The following MAP2K6 variants were observed in gnomAD, a reference collection of about 807,000 sequenced individuals.
MAP2K6 encodes the protein dual specificity mitogen-activated protein kinase kinase 6.
Under a neutral mutation model 53.7 loss-of-function variants are expected in MAP2K6, and 16 were observed. The observed-to-expected ratio is 0.30, with a 90% CI of 0.20 to 0.45. The LOEUF (loss-of-function observed/expected upper bound fraction) is 0.45, where lower values mean the gene tolerates loss of function less well. Ranked by LOEUF, MAP2K6 falls within the 20% of genes least tolerant of loss-of-function variation. The pLI is 1.00. For synonymous variants in MAP2K6, 132 were observed against 143.1 expected (o/e 0.92, Z 0.55); for missense variants, 204 against 411.9 (o/e 0.50, Z 4.37).
intron 11 of MAP2K6, among the ~76,000 whole-genome samples, chr17:69,540,167 C>T (rs1190232125): frequency 1.3e-5 from 2 of 152,162 alleles, no homozygotes; most frequent in Non-Finnish European, 2.9e-5. Flanking sequence ...ACGGAGCTGA[C>T]TCATCCAACC....
Position 69,541,828 on chromosome 17 carries a change from C to A in MAP2K6, c.*75C>A. Reference sequence around the variant, plus strand: ...GGGTGAAGCAAGTTCACTACAGCATCAATAGAAAGTCATCTTTGAGATAAT... The same window carrying A: ...GGGTGAAGCAAGTTCACTACAGCATAAATAGAAAGTCATCTTTGAGATAAT... On this transcript the variant is annotated 3_prime_UTR_variant, in exon 12 of 12. Transcript: ENST00000590474. The A allele has an allele frequency of 9.5e-7, 1 of 1,055,864 alleles. No homozygotes were observed. The highest frequency in any genetic ancestry group is 1.4e-6 in the Non-Finnish European group (1 of 695,734). The allele number at this position is 1,055,864 out of a possible 1,614,324, so 65.4% of individuals were successfully genotyped here.
At chr17:69,491,696 G>A (rs969082454) in intron 1 of MAP2K6, among the ~76,000 whole-genome samples, 21 of 150,668 alleles carry the variant, frequency 1.4e-4, no homozygotes, top group African/African-American at 5.2e-4. Flanking sequence ...CAATGTATAA[G>A]CATTCCTTTT....
chr17:69,513,366 T>C (rs1955086066), intron 2 of MAP2K6, among the ~76,000 whole-genome samples: 1 of 152,258 alleles, frequency 6.6e-6, no homozygotes, highest in Non-Finnish European at 1.5e-5. Context: ...CTCTTCTTCC[T>C]CTTTCTCCTC....
intron 1 of MAP2K6, among the ~76,000 whole-genome samples, chr17:69,489,775 C>T (rs1449673003): frequency 6.6e-6 from 1 of 152,266 alleles, no homozygotes; most frequent in East Asian, 1.9e-4. Flanking sequence ...TTTCTTGAAG[C>T]AATTTCTTTG....
rs559760989 is a variant in MAP2K6 at position 69,505,696 on chromosome 17, A to G, written c.17-84A>G. The stretch of plus-strand genomic sequence containing the variant: ...GACATGAGAGCTGCCTGTGCAGGTC[A>G]GCTCTTTCCTTTGCCGCAGTCTCTT... On this transcript the variant is annotated intron_variant, in intron 1 of 11. Transcript: ENST00000590474. 3 of 1,065,542 alleles carry G rather than the reference A, an allele frequency of 2.8e-6. No individual in the cohort carries two copies. The South Asian group carries it at 3.8e-5, about 13-fold the overall frequency. The allele number at this position is 1,065,542 out of a possible 1,614,324, so 66.0% of individuals were successfully genotyped here.
intron 1 of MAP2K6, chr17:69,502,707 G>A: frequency 1.5e-5 from 15 of 985,552 alleles, no homozygotes; most frequent in Non-Finnish European, 1.8e-5. Flanking sequence ...GTTGATGTGG[G>A]GGGCTGTGGG....
intron 1 of MAP2K6, among the ~76,000 whole-genome samples, chr17:69,420,823 A>G (rs1297501058): frequency 1.3e-5 from 2 of 152,114 alleles, no homozygotes; most frequent in Non-Finnish European, 2.9e-5. Context: ...GGGGGAGCTG[A>G]TGGTATAATG....
chr17:69,432,383 C>G (rs553787514), intron 1 of MAP2K6, among the ~76,000 whole-genome samples: 1 of 152,248 alleles, frequency 6.6e-6, no homozygotes, highest in South Asian at 2.1e-4. Flanking sequence ...TTCACAATAG[C>G]AAAGACTTGG....
intron 11 of MAP2K6, among the ~76,000 whole-genome samples, chr17:69,539,670 C>T (rs1449986450): frequency 6.6e-6 from 1 of 152,106 alleles, no homozygotes; most frequent in Non-Finnish European, 1.5e-5. Flanking sequence ...ACTCAGGCAA[C>T]ATCTACTGAG....
chr17:69,452,513 T>C (rs1274071321), intron 1 of MAP2K6, among the ~76,000 whole-genome samples: 1 of 152,198 alleles, frequency 6.6e-6, no homozygotes, highest in African/African-American at 2.4e-5. Context: ...TTTAAAGCCC[T>C]ACCTGCCTCA....
At chr17:69,468,945 GA>G (rs1236964169) in intron 1 of MAP2K6, among the ~76,000 whole-genome samples, 2 of 152,212 alleles carry the variant, frequency 1.3e-5, no homozygotes. Flanking sequence ...AACACTAGAA[GA>G]GAGTGATTAA....
intron 4 of MAP2K6, among the ~76,000 whole-genome samples, chr17:69,517,933 G>C (rs931137348): frequency 5.3e-5 from 8 of 152,172 alleles, no homozygotes; most frequent in Non-Finnish European, 4.4e-5. Context: ...GCTCACGCCT[G>C]TAATCCTAGC....
At chr17:69,466,880 C>G (rs896297328) in intron 1 of MAP2K6, among the ~76,000 whole-genome samples, 1 of 152,134 alleles carries the variant, frequency 6.6e-6, no homozygotes, top group Non-Finnish European at 1.5e-5. Context: ...GGTGGAGGCT[C>G]CCCATTGAAA....
At chr17:69,473,160 A>G (rs1319640347) in intron 1 of MAP2K6, among the ~76,000 whole-genome samples, 2 of 152,176 alleles carry the variant, frequency 1.3e-5, no homozygotes, top group Non-Finnish European at 2.9e-5. Flanking sequence ...GCCTGTGGTA[A>G]AATTGATTTC....
At chr17:69,429,018 C>T (rs761572308) in intron 1 of MAP2K6, among the ~76,000 whole-genome samples, 4 of 151,710 alleles carry the variant, frequency 2.6e-5, no homozygotes, top group Admixed American at 6.6e-5. Flanking sequence ...ACCTACACAA[C>T]ACTCCCTGTG....
At chr17:69,424,012 C>A (rs982836134) in intron 1 of MAP2K6, among the ~76,000 whole-genome samples, 3 of 152,198 alleles carry the variant, frequency 2.0e-5, no homozygotes, top group Non-Finnish European at 2.9e-5. Flanking sequence ...CATGACCCAG[C>A]TCAGAGGTTC....
At chr17:69,455,736 T>C (rs1408335921) in intron 1 of MAP2K6, among the ~76,000 whole-genome samples, 10 of 152,228 alleles carry the variant, frequency 6.6e-5, no homozygotes, top group South Asian at 2.1e-4. Context: ...CCCTTAACCC[T>C]GTAAAAATGC....
At chr17:69,440,664 A>G (rs1038497547) in intron 1 of MAP2K6, among the ~76,000 whole-genome samples, 4 of 152,032 alleles carry the variant, frequency 2.6e-5, no homozygotes, top group African/African-American at 9.7e-5. Context: ...CTTCATCTGA[A>G]AATTTCTTGA....
At chr17:69,421,601 C>T (rs1567812287) in intron 1 of MAP2K6, among the ~76,000 whole-genome samples, 1 of 150,766 alleles carries the variant, frequency 6.6e-6, no homozygotes, top group Non-Finnish European at 1.5e-5. Context: ...TGCAGTGGTG[C>T]GATCTCAGCT....
Sources: gnomAD v4.1 joint callset for allele counts (sites outside exome capture counted in the v4.1 genomes callset) on GRCh38, gnomAD v4.1.1 for gene constraint, MANE v1.5 for transcripts, NCBI Gene and HGNC (gene_info 2026-07-23, HGNC 2026-07-21) for gene names.